Variants in SMN2 observed in about 807,000 individuals in gnomAD.
SMN2 encodes survival of motor neuron 2, centromeric, also known as survival motor neuron protein.
A neutral mutation model predicts 2.8 loss-of-function variants in SMN2; 1 was observed. That is an observed-to-expected ratio of 0.35 (90% CI 0.13 to 1.68). The LOEUF (loss-of-function observed/expected upper bound fraction) is 1.68. SMN2 is among the 40% of genes most tolerant of loss of function. The probability of loss-of-function intolerance (pLI) is 0.35; values close to 1 mark genes in which losing one functional copy is unlikely to be tolerated. For synonymous variants in SMN2, 5 were observed against 5.0 expected, an observed-to-expected ratio of 0.99 and a Z score of 0.01; for missense variants, 12 against 16.9, an observed-to-expected ratio of 0.71 and a Z score of 0.51.
chr5:70,075,107 C>A lies in SMN2; in HGVS notation c.835-1414C>A, dbSNP rs1774706344. Among the ~76,000 whole-genome samples, 4 of 117,648 alleles carry A rather than the reference C, an allele frequency of 3.4e-5. 1 individual carries two copies. In the South Asian group the frequency reaches 1.1e-3, roughly 31 times the overall value. The allele number at this position is 117,648 out of a possible 152,430, so 77.2% of individuals were successfully genotyped here. A position where few individuals can be genotyped will look rare whatever the true frequency, so the allele number is the denominator to read the frequency against. On this transcript the variant is annotated intron_variant, in intron 7 of 8. Coordinates refer to ENST00000380743, the MANE Select transcript of SMN2 (RefSeq NM_017411.4). ...GCAATGGTGCAATCTCGGCTCACTG[C>A]AACCTCCGCCTCCTGGGTTCAAGTG... is the stretch of plus-strand genomic sequence containing the variant.
intron 7 of SMN2, among the ~76,000 whole-genome samples, chr5:70,074,979 C>G (rs1378588262): frequency 8.0e-6 from 1 of 125,510 alleles, no homozygotes; most frequent in Non-Finnish European, 1.7e-5. Context: ...GCAACAAGAG[C>G]GAAACTCCGT....
chr5:70,052,901 A>AAG (rs1413515536), intron 1 of SMN2, among the ~76,000 whole-genome samples: 2 of 131,256 alleles, frequency 1.5e-5, no homozygotes, highest in South Asian at 2.4e-4. Flanking sequence ...AAAAAAAAAA[A>AAG]GTGGGAGGAT....
downstream of SMN2, among the ~76,000 whole-genome samples, chr5:70,079,707 C>T (rs1306948899): frequency 5.9e-5 from 8 of 134,896 alleles, 1 homozygote; most frequent in African/African-American, 9.3e-5. Context: ...TGTAATGAGC[C>T]GTGTTCACAC....
chr5:70,088,423 ACTTTTTTTTTTTTTTTTTTTTTTTTT>A, the SMN2 span, among the ~76,000 whole-genome samples: 1 of 86,684 alleles, frequency 1.2e-5, no homozygotes, highest in Non-Finnish European at 2.2e-5. Context: ...TAAGTTTCAA[ACTTTTTTTTTTTTTTTTTTTTTTTTT>A]TTTTTTGAGA....
chr5:70,084,728 G>C, the SMN2 span, among the ~76,000 whole-genome samples: 58 of 137,102 alleles, frequency 4.2e-4, 3 homozygotes, highest in East Asian at 1.0e-3. Flanking sequence ...TTGTTTATAT[G>C]GTCTTCCCAT....
chr5:70,084,955 G>C, the SMN2 span, among the ~76,000 whole-genome samples: 2 of 138,314 alleles, frequency 1.4e-5, no homozygotes, highest in South Asian at 4.4e-4. Flanking sequence ...ATTCCCAGCT[G>C]GGGTTGAACA....
In SMN2 at chr5:70,076,472, T is replaced by G. The variant is rs1774756829; in HGVS notation, c.835-49T>G. On this transcript the variant is annotated intron_variant, in intron 7 of 8. Transcript: ENST00000380743. ...ATATAAAGCTATCTATATATAGCTATCTATATCTATATAGCTATTTTTTTT... is the reference window on the plus strand; with the variant it reads ...ATATAAAGCTATCTATATATAGCTAGCTATATCTATATAGCTATTTTTTTT... 6.5e-6 allele frequency: 8 copies of G among 1,226,508 alleles called. No individual in the cohort carries two copies. The South Asian group carries it at 8.9e-5, about 14-fold the overall frequency. The allele number at this position is 1,226,508 out of a possible 1,614,324, so 76.0% of individuals were successfully genotyped here.
At chr5:70,079,519 G>A (rs563092097), downstream of SMN2, among the ~76,000 whole-genome samples, 2,536 of 145,376 alleles carry the variant, frequency 0.017, 47 homozygotes, top group African/African-American at 0.065. Context: ...ATTTTGGGAG[G>A]ACGAGACAGG....
At chr5:70,079,301 C>T (rs1464930804), downstream of SMN2, among the ~76,000 whole-genome samples, 2 of 145,752 alleles carry the variant, frequency 1.4e-5, no homozygotes, top group South Asian at 2.1e-4. Flanking sequence ...GGCATGGTGG[C>T]ACGCCCTGTA....
downstream of SMN2, among the ~76,000 whole-genome samples, chr5:70,079,960 C>A (rs1774833242): frequency 1.8e-5 from 2 of 109,884 alleles, no homozygotes; most frequent in Non-Finnish European, 3.5e-5. Context: ...CCCTTCTGTA[C>A]ACTTTTCACA....
chr5:70,081,824 T>G (rs1232497177), downstream of SMN2, among the ~76,000 whole-genome samples: 1 of 62,334 alleles, frequency 1.6e-5, no homozygotes, highest in Non-Finnish European at 2.8e-5. Flanking sequence ...ACAATTTGGC[T>G]TCCTCTTTTC....
chr5:70,084,482 C>T, the SMN2 span, among the ~76,000 whole-genome samples: 1 of 136,236 alleles, frequency 7.3e-6, no homozygotes, highest in South Asian at 2.3e-4. Context: ...CCACCGTGCC[C>T]GACCTACATT....
chr5:70,076,535 T>G lies in SMN2; in HGVS notation c.849T>G (p.Asn283Lys). Reference sequence around the variant, plus strand: ...TTTCCTTACAGGGTTTTAGACAAAATCAAAAAGAAGGAAGGTGCTCACATT... The same window carrying G: ...TTTCCTTACAGGGTTTTAGACAAAAGCAAAAAGAAGGAAGGTGCTCACATT... ...HTGYYMGFRQ[N>K]QKEGRCSHSL... The change falls in exon 8 of 9, where the codon AAT (asparagine) becomes AAG (lysine). Residue 283 changes from asparagine to lysine, a missense_variant. Coordinates refer to ENST00000380743, the MANE Select transcript of SMN2 (RefSeq NM_017411.4). 3 of 1,464,520 alleles carry G rather than the reference T, an allele frequency of 2.0e-6. 1 individual carries two copies. In the Middle Eastern group the frequency reaches 5.3e-4, roughly 258 times the overall value. The allele number at this position is 1,464,520 out of a possible 1,614,324, so 90.7% of individuals were successfully genotyped here.
At chr5:70,069,967 C>T (rs1388741384) in intron 6 of SMN2, among the ~76,000 whole-genome samples, 1 of 36,770 alleles carries the variant, frequency 2.7e-5, no homozygotes, top group African/African-American at 1.4e-4. Flanking sequence ...CCTCCCAAAG[C>T]GCTGGGATTA....
the SMN2 span, among the ~76,000 whole-genome samples, chr5:70,085,275 T>G: frequency 7.9e-6 from 1 of 127,054 alleles, no homozygotes; most frequent in Admixed American, 8.0e-5. Flanking sequence ...GGAGTCTCAC[T>G]CTGTCACCCA....
At chr5:70,075,648 C>T (rs1774728279) in intron 7 of SMN2, among the ~76,000 whole-genome samples, 1 of 120,210 alleles carries the variant, frequency 8.3e-6, no homozygotes, top group Non-Finnish European at 1.8e-5. Context: ...GCCACTGTGA[C>T]CGGCAATGTT....
chr5:70,083,744 T>C, the SMN2 span, among the ~76,000 whole-genome samples: 1 of 130,240 alleles, frequency 7.7e-6, no homozygotes, highest in South Asian at 2.4e-4. Flanking sequence ...TAGGTGGGAA[T>C]TGAACAATGA....
the SMN2 span, among the ~76,000 whole-genome samples, chr5:70,085,345 G>A: frequency 3.0e-5 from 4 of 133,488 alleles, 1 homozygote; most frequent in African/African-American, 6.5e-5. Flanking sequence ...GGGTTCAAAC[G>A]ATTCTCCTGC....
downstream of SMN2, among the ~76,000 whole-genome samples, chr5:70,079,065 T>TA (rs1231865625): frequency 1.2e-5 from 1 of 84,674 alleles, no homozygotes; most frequent in African/African-American, 5.7e-5. Flanking sequence ...GTTAACTTTT[T>TA]AAAAAAGTTT....
Sources: gnomAD v4.1 joint callset for allele counts (sites outside exome capture counted in the v4.1 genomes callset) on GRCh38, gnomAD v4.1.1 for gene constraint, MANE v1.5 for transcripts, NCBI Gene and HGNC (gene_info 2026-07-23, HGNC 2026-07-21) for gene names.